Variants in RUFY2 observed in about 807,000 individuals in gnomAD.
RUFY2 encodes RUN and FYVE domain containing 2, also known as RUN and FYVE domain-containing protein 2.
In RUFY2, 49 loss-of-function variants were observed where a neutral mutation model predicts 94.4. The ratio of observed to expected loss-of-function variants is 0.52; its 90% CI spans 0.41 to 0.66. The LOEUF (loss-of-function observed/expected upper bound fraction) is 0.66, where lower values mean the gene tolerates loss of function less well. Among genes scored for constraint, RUFY2 ranks in the 30% least tolerant of loss-of-function variants. The pLI is 0.00. For synonymous variants in RUFY2, 255 were observed against 235.7 expected (o/e 1.08, Z -0.75); for missense variants, 541 against 692.8 (o/e 0.78, Z 2.46).
In RUFY2 at chr10:68,404,714, T is replaced by C; in HGVS notation, c.135A>G (p.Gln45=). The C allele has an allele frequency of 6.2e-7, 1 of 1,612,764 alleles. No individual in the cohort carries two copies. The highest frequency in any genetic ancestry group is 8.5e-7 in the Non-Finnish European group (1 of 1,179,536). The change falls in exon 2 of 18, where the codon CAA becomes CAG. Residue 45 remains glutamine (Q), a synonymous_variant. Transcript: ENST00000602465. The part of the protein sequence containing the change: ...TLDSDYPPLQ[Q]FFVVMEHCLK... The stretch of plus-strand genomic sequence containing the variant: ...GGCAATGTTCCATAACAACAAAGAA[T>C]TGCTGCAAGGGGGGATAGTCAGAAT...
At position 68,344,949 on chromosome 10, in the gene RUFY2, C is replaced by G. The variant is rs1377147189; in HGVS notation, c.*819G>C. The stretch of plus-strand genomic sequence containing the variant: ...ACCTTTATAAGGAGCCTGTAACATC[C>G]CCTACTATTACATACTTTTTTTTCT... On this transcript the variant is annotated 3_prime_UTR_variant, in exon 18 of 18. Coordinates refer to ENST00000602465, the MANE Select transcript of RUFY2 (RefSeq NM_001330103.2). 2.6e-5 allele frequency: 4 copies of G among 152,060 alleles called. No individual in the cohort carries two copies. The East Asian group carries it at 7.7e-4, about 29-fold the overall frequency. 9.4% of individuals were successfully genotyped at this position (152,060 alleles called of 1,614,324 possible). A position where few individuals can be genotyped will look rare whatever the true frequency, so the allele number is the denominator to read the frequency against.
intron 10 of RUFY2, among the ~76,000 whole-genome samples, chr10:68,383,557 C>T (rs1305563726): frequency 6.6e-6 from 1 of 152,118 alleles, no homozygotes; most frequent in African/African-American, 2.4e-5. Context: ...GAGGCAGAGG[C>T]TGCAGTGAGC....
intron 4 of RUFY2, 109 bp downstream of exon 4, chr10:68,396,671 C>T: frequency 1.6e-6 from 1 of 624,810 alleles, no homozygotes; most frequent in South Asian, 2.7e-5. Flanking sequence ...TATTTTATAT[C>T]ATTTTATTAT....
intron 13 of RUFY2, among the ~76,000 whole-genome samples, chr10:68,369,832 T>C (rs1309764936): frequency 6.6e-5 from 10 of 152,160 alleles, no homozygotes; most frequent in Non-Finnish European, 1.5e-5. Flanking sequence ...CCCTGTGATG[T>C]CTTCTGCCAT....
chr10:68,386,666 T>G (rs966051192), intron 7 of RUFY2, among the ~76,000 whole-genome samples: 1 of 152,124 alleles, frequency 6.6e-6, no homozygotes, highest in Non-Finnish European at 1.5e-5. Flanking sequence ...TTTTACATTG[T>G]CTTCTTAGGG....
Position 68,346,081 on chromosome 10 carries a change from G to A in RUFY2, c.1603C>T (p.Leu535=), listed in dbSNP as rs372243741. 6.2e-7 allele frequency: 1 copy of A among 1,608,088 alleles called. No homozygotes were observed. The highest frequency in any genetic ancestry group is 8.5e-7 in the Non-Finnish European group (1 of 1,177,920). ...GCTTCTTTGTCTTTCAGCCAAACCA[G>A]TCCCTAGTAGGAAGAAAATATTAAT... ...IKEANKALQG[L]VWLKDKEATH... The change falls in exon 17 of 18, where the codon CTG becomes TTG. Residue 535 remains leucine (L), a synonymous_variant. Transcript: ENST00000602465.
chr10:68,363,639 A>G lies in RUFY2; in HGVS notation c.1501T>C (p.Tyr501His), dbSNP rs745898542. 3.7e-6 allele frequency: 6 copies of G among 1,609,004 alleles called. No individual in the cohort carries two copies. In the South Asian group the frequency reaches 4.5e-5, roughly 12 times the overall value. Residue 501 changes from tyrosine (Y) to histidine (H), a missense_variant, in exon 15 of 18, where the codon TAT (tyrosine) becomes CAT (histidine). Tyr to His is a moderately conservative substitution (Grantham distance 83). Transcript: ENST00000602465. The part of the protein sequence containing the change: ...QDENQQLKKI[Y>H]HEQEQALQEL... ...TGAAGAGCTTGCTCTTGTTCATGAT[A>G]TATTTTTTTCAACTGCTGATTTTCA...
At chr10:68,371,421 C>CA (rs570547947) in intron 13 of RUFY2, among the ~76,000 whole-genome samples, 5,598 of 134,146 alleles carry the variant, frequency 0.042, 137 homozygotes, top group Middle Eastern at 0.092. Context: ...GACTCCATCT[C>CA]AAAAAAAAAA....
chr10:68,371,872 G>C (rs1052924393), intron 13 of RUFY2, among the ~76,000 whole-genome samples: 1 of 152,190 alleles, frequency 6.6e-6, no homozygotes, highest in African/African-American at 2.4e-5. Flanking sequence ...TAAAGGCCAA[G>C]AGAGAGTGGC....
chr10:68,356,385 A>C (rs1186793846), intron 15 of RUFY2, among the ~76,000 whole-genome samples: 2 of 151,936 alleles, frequency 1.3e-5, no homozygotes, highest in Non-Finnish European at 2.9e-5. Flanking sequence ...GCACGCCTGT[A>C]TTCCCAGCTA....
chr10:68,383,708 A>G, intron 10 of RUFY2, 90 bp downstream of exon 10: 1 of 918,944 alleles, frequency 1.1e-6, no homozygotes, highest in Admixed American at 1.9e-5. Context: ...ACCAAAAAGG[A>G]TAAGGCTGAA....
intron 16 of RUFY2, among the ~76,000 whole-genome samples, chr10:68,351,984 G>A (rs2046710137): frequency 6.6e-6 from 1 of 151,112 alleles, no homozygotes; most frequent in Non-Finnish European, 1.5e-5. Flanking sequence ...TTGAACCCAG[G>A]AGAGGGAGGT....
chr10:68,375,323 T>C (rs1352217393), intron 13 of RUFY2, among the ~76,000 whole-genome samples: 1 of 67,246 alleles, frequency 1.5e-5, no homozygotes, highest in Non-Finnish European at 3.0e-5. Flanking sequence ...GGGGGGAGGA[T>C]GGGGGGAGGG....
intron 15 of RUFY2, among the ~76,000 whole-genome samples, chr10:68,356,264 G>A (rs1433360232): frequency 6.6e-6 from 1 of 152,048 alleles, no homozygotes; most frequent in Non-Finnish European, 1.5e-5. Flanking sequence ...AGCACTTTTG[G>A]GGGCCAAGGC....
At chr10:68,377,081 G>C (rs2048729144) in intron 12 of RUFY2, 109 bp from the exon 13 acceptor site, 19 of 1,522,288 alleles carry the variant, frequency 1.2e-5, no homozygotes, top group Non-Finnish European at 1.7e-5. Context: ...ATTTCTAAAT[G>C]AAAACAAAGT....
Position 68,345,550 on chromosome 10 carries a change from C to T in RUFY2, c.*218G>A, listed in dbSNP as rs919151240. 2 of 486,866 alleles carry T rather than the reference C, an allele frequency of 4.1e-6. No individual in the cohort carries two copies. The highest frequency in any genetic ancestry group is 2.0e-5 in the African/African-American group (1 of 50,084). 30.2% of individuals were successfully genotyped at this position (486,866 alleles called of 1,614,324 possible). On this transcript the variant is annotated 3_prime_UTR_variant, in exon 18 of 18. Transcript: ENST00000602465. ...TGCTCTCTGGCCTTTTAATGAGTTA[C>T]ATGATTTTTAAGCATGCTCTGTTGA...
intron 2 of RUFY2, among the ~76,000 whole-genome samples, chr10:68,402,707 G>C (rs35036634): frequency 0.038 from 5,536 of 145,430 alleles, 123 homozygotes; most frequent in Non-Finnish European, 0.047. Flanking sequence ...TCTCACTCCA[G>C]AGTGAGACCC....
chr10:68,345,102 C>A lies in RUFY2; in HGVS notation c.*666G>T, dbSNP rs897613432. 1.3e-5 allele frequency: 2 copies of A among 152,202 alleles called. No homozygotes were observed. Among genetic ancestry groups the A allele is most frequent in the African/African-American group, 4.8e-5 (2 of 41,378 alleles). The allele number at this position is 152,202 out of a possible 1,614,324, so 9.4% of individuals were successfully genotyped here. On this transcript the variant is annotated 3_prime_UTR_variant, in exon 18 of 18. Coordinates refer to ENST00000602465, the MANE Select transcript of RUFY2 (RefSeq NM_001330103.2). ...AAAGAAAGATGGTTATATGTAACTT[C>A]CTTTCAAGATTAAAAGGAAAAAAGT...
At chr10:68,350,181 TG>T (rs994222850) in intron 16 of RUFY2, among the ~76,000 whole-genome samples, 57 of 152,110 alleles carry the variant, frequency 3.7e-4, no homozygotes, top group African/African-American at 1.2e-3. Context: ...GGCTAATTTT[TG>T]CATTTTTAGT....
Sources: allele counts gnomAD v4.1 joint callset (sites outside exome capture counted in the v4.1 genomes callset), GRCh38; gene constraint gnomAD v4.1.1; transcripts MANE v1.5; gene names NCBI Gene and HGNC (gene_info 2026-07-23, HGNC 2026-07-21).